Variants in DLGAP2 observed in about 807,000 individuals in gnomAD.
DLGAP2 encodes disks large-associated protein 2.
DLGAP2 carries 26 observed loss-of-function variants against 100.3 expected under a neutral mutation model. The observed-to-expected ratio is 0.26, with a 90% CI of 0.19 to 0.36. DLGAP2 has a LOEUF of 0.36. Ranked by LOEUF, DLGAP2 falls within the 10% of genes least tolerant of loss-of-function variation. The pLI, the probability that DLGAP2 is intolerant of heterozygous loss-of-function variation, is 1.00. For synonymous variants in DLGAP2, 886 were observed against 630.1 expected (o/e 1.41, Z -6.08); for missense variants, 1,858 against 1,453.2 (o/e 1.28, Z -4.53).
At chr8:763,720 C>G (rs1821143878) in intron 1 of DLGAP2, among the ~76,000 whole-genome samples, 1 of 151,322 alleles carries the variant, frequency 6.6e-6, no homozygotes, top group Non-Finnish European at 1.5e-5. Context: ...GTCTCAAAGA[C>G]AATACGTGTG....
intron 2 of DLGAP2, among the ~76,000 whole-genome samples, chr8:1,119,680 A>C (rs775725404): frequency 3.3e-5 from 5 of 152,210 alleles, no homozygotes; most frequent in African/African-American, 4.8e-5. Flanking sequence ...AGGCTTCGCC[A>C]CTCAACTTTG....
intron 12 of DLGAP2, among the ~76,000 whole-genome samples, chr8:1,682,479 A>ATT (rs11332030): frequency 2.0e-4 from 29 of 148,426 alleles, no homozygotes; most frequent in South Asian, 8.5e-4. Flanking sequence ...GATATATAGT[A>ATT]TTTTTTTTTT....
intron 2 of DLGAP2, among the ~76,000 whole-genome samples, chr8:1,098,221 C>A (rs570568787): frequency 1.7e-4 from 26 of 152,350 alleles, no homozygotes; most frequent in African/African-American, 5.8e-4. Flanking sequence ...CACAGAAACT[C>A]CTCCGCACAC....
intron 3 of DLGAP2, among the ~76,000 whole-genome samples, chr8:1,295,097 C>T (rs529837081): frequency 1.1e-4 from 16 of 152,232 alleles, no homozygotes; most frequent in Admixed American, 3.3e-4. Flanking sequence ...TCTACTACCA[C>T]GGGCTCATGT....
At position 1,331,333 on chromosome 8, in the gene DLGAP2, C is replaced by G. The variant is rs535077775; in HGVS notation, c.106+72450C>G. 7.9e-5 allele frequency among the ~76,000 whole-genome samples: 12 copies of G among 152,266 alleles called. No homozygotes were observed. In the East Asian group the frequency reaches 2.3e-3, roughly 29 times the overall value. On this transcript the variant is annotated intron_variant, in intron 3 of 14. Coordinates refer to ENST00000637795, the MANE Select transcript of DLGAP2 (RefSeq NM_001346810.2). Reference sequence around the variant, plus strand: ...GGGTGGGTTGGCTGCACAGTGTCCTCACACACCCGTTTCACAGCCCAGGGT... The same window carrying G: ...GGGTGGGTTGGCTGCACAGTGTCCTGACACACCCGTTTCACAGCCCAGGGT...
At chr8:1,098,063 A>T (rs1281738535) in intron 2 of DLGAP2, among the ~76,000 whole-genome samples, 2 of 152,212 alleles carry the variant, frequency 1.3e-5, no homozygotes, top group African/African-American at 4.8e-5. Flanking sequence ...CTGAAGAGAA[A>T]ACTGCCGTGA....
chr8:758,215 A>G (rs908628427), intron 1 of DLGAP2, among the ~76,000 whole-genome samples: 1 of 152,132 alleles, frequency 6.6e-6, no homozygotes. Context: ...TATTGTGAGC[A>G]ATATTTCTTA....
intron 3 of DLGAP2, among the ~76,000 whole-genome samples, chr8:1,343,754 G>C (rs1343830157): frequency 6.6e-6 from 1 of 152,012 alleles, no homozygotes; most frequent in Admixed American, 6.5e-5. Flanking sequence ...TGGAACGGAG[G>C]CCTCTCCAAG....
intron 2 of DLGAP2, among the ~76,000 whole-genome samples, chr8:1,047,947 A>G: frequency 6.6e-6 from 1 of 152,196 alleles, no homozygotes. Context: ...TAGCCTAGGT[A>G]CAGAGTTGTA....
At chr8:1,459,306 G>T in intron 3 of DLGAP2, among the ~76,000 whole-genome samples, 1 of 144,594 alleles carries the variant, frequency 6.9e-6, no homozygotes, top group East Asian at 2.3e-4. Context: ...ACCAGCGTGC[G>T]TCCCAGACAG....
At chr8:781,348 G>A (rs1195294611) in intron 1 of DLGAP2, among the ~76,000 whole-genome samples, 1 of 151,856 alleles carries the variant, frequency 6.6e-6, no homozygotes, top group Non-Finnish European at 1.5e-5. Flanking sequence ...TTAATAATGA[G>A]GTTTGATTCC....
chr8:1,057,549 C>G (rs1205295722), intron 2 of DLGAP2, among the ~76,000 whole-genome samples: 2 of 152,216 alleles, frequency 1.3e-5, no homozygotes, highest in Non-Finnish European at 2.9e-5. Context: ...ACTGGCTGTG[C>G]TATCTCTTGA....
At chr8:1,581,748 A>C (rs891806835) in intron 6 of DLGAP2, among the ~76,000 whole-genome samples, 2 of 151,768 alleles carry the variant, frequency 1.3e-5, no homozygotes, top group African/African-American at 4.8e-5. Flanking sequence ...CCCCACACAC[A>C]TACACACACC....
chr8:1,665,609 C>T (rs979989067), intron 8 of DLGAP2, among the ~76,000 whole-genome samples: 1 of 152,316 alleles, frequency 6.6e-6, no homozygotes, highest in African/African-American at 2.4e-5. Context: ...TTTACTACCC[C>T]TATTGCTGGG....
At chr8:1,113,414 C>A (rs555627713) in intron 2 of DLGAP2, among the ~76,000 whole-genome samples, 1 of 152,282 alleles carries the variant, frequency 6.6e-6, no homozygotes, top group African/African-American at 2.4e-5. Context: ...AGATCTTTAA[C>A]CTCCCTTGTC....
chr8:1,174,152 T>C (rs1187609911), intron 2 of DLGAP2, among the ~76,000 whole-genome samples: 1 of 152,098 alleles, frequency 6.6e-6, no homozygotes, highest in African/African-American at 2.4e-5. Flanking sequence ...GAACTGGGTA[T>C]TGAAGGGTGA....
At chr8:1,165,361 G>A (rs532099504) in intron 2 of DLGAP2, among the ~76,000 whole-genome samples, 122 of 152,336 alleles carry the variant, frequency 8.0e-4, no homozygotes, top group Non-Finnish European at 1.5e-3. Context: ...ACCATCGGCC[G>A]TTGGCTACCA....
At chr8:926,466 C>T (rs1361553337) in intron 2 of DLGAP2, among the ~76,000 whole-genome samples, 1 of 152,198 alleles carries the variant, frequency 6.6e-6, no homozygotes, top group Non-Finnish European at 1.5e-5. Flanking sequence ...ATGGTAATTT[C>T]TGTCTCTGTG....
At chr8:915,869 C>T (rs1798582117) in intron 2 of DLGAP2, among the ~76,000 whole-genome samples, 1 of 150,098 alleles carries the variant, frequency 6.7e-6, no homozygotes, top group Non-Finnish European at 1.5e-5. Flanking sequence ...CCCGTCCGTC[C>T]ATCTGTCCCA....
Sources: gnomAD v4.1 joint callset for allele counts (sites outside exome capture counted in the v4.1 genomes callset) on GRCh38, gnomAD v4.1.1 for gene constraint, MANE v1.5 for transcripts, NCBI Gene and HGNC (gene_info 2026-07-23, HGNC 2026-07-21) for gene names.